The following GRIN2A variants were observed in gnomAD, a reference collection of about 807,000 sequenced individuals.
GRIN2A encodes the protein glutamate receptor ionotropic, NMDA 2A.
A neutral mutation model predicts 113.4 loss-of-function variants in GRIN2A; 22 were observed. That is an observed-to-expected ratio of 0.19 (90% CI 0.14 to 0.28). The LOEUF (loss-of-function observed/expected upper bound fraction) is 0.28, where lower values mean the gene tolerates loss of function less well. GRIN2A is among the 10% of genes least tolerant of loss of function. GRIN2A has a pLI of 1.00. For synonymous variants in GRIN2A, 827 were observed against 738.4 expected (o/e 1.12, Z -1.94); for missense variants, 1,502 against 1,887.0 (o/e 0.80, Z 3.78).
At chr16:9,971,701 T>C (rs1324510395) in intron 2 of GRIN2A, among the ~76,000 whole-genome samples, 1 of 152,096 alleles carries the variant, frequency 6.6e-6, no homozygotes, top group Non-Finnish European at 1.5e-5. Flanking sequence ...TCCAGCAGTG[T>C]AGAAGTTTAA....
chr16:10,088,352 T>A (rs1328729795), intron 2 of GRIN2A, among the ~76,000 whole-genome samples: 1 of 152,156 alleles, frequency 6.6e-6, no homozygotes, highest in African/African-American at 2.4e-5. Flanking sequence ...CCACTTTCCA[T>A]CCTGGACAAA....
chr16:10,128,145 T>C (rs2048984955), intron 2 of GRIN2A, among the ~76,000 whole-genome samples: 1 of 152,192 alleles, frequency 6.6e-6, no homozygotes, highest in African/African-American at 2.4e-5. Flanking sequence ...TGTCCATGAT[T>C]CCGTAGGAAG....
chr16:10,054,306 A>G (rs557811423), intron 2 of GRIN2A, among the ~76,000 whole-genome samples: 33 of 152,230 alleles, frequency 2.2e-4, no homozygotes, highest in Non-Finnish European at 4.1e-4. Flanking sequence ...AAATATGTTC[A>G]ACTTCTTAAT....
At chr16:9,866,644 C>G (rs1422412477) in intron 4 of GRIN2A, among the ~76,000 whole-genome samples, 2 of 152,186 alleles carry the variant, frequency 1.3e-5, no homozygotes, top group African/African-American at 4.8e-5. Flanking sequence ...ATGGCTAGGA[C>G]TTAGTACTCC....
intron 5 of GRIN2A, among the ~76,000 whole-genome samples, chr16:9,843,140 G>GA (rs1401832222): frequency 2.0e-5 from 3 of 151,756 alleles, no homozygotes; most frequent in African/African-American, 7.3e-5. Context: ...AGGAAAGAAA[G>GA]AAAGAAGCAA....
At chr16:9,919,520 A>C (rs2141577132) in intron 3 of GRIN2A, among the ~76,000 whole-genome samples, 1 of 152,228 alleles carries the variant, frequency 6.6e-6, no homozygotes, top group Middle Eastern at 3.4e-3. Context: ...CATGGTAAGG[A>C]GAAGAGAAAT....
chr16:10,036,437 CTTTTTTTTTTTCTTTTTTTTTT>C (rs1199616898), intron 2 of GRIN2A, among the ~76,000 whole-genome samples: 1,660 of 92,678 alleles, frequency 0.018, 64 homozygotes, highest in African/African-American at 0.065. Context: ...TTAGTACTTA[CTTTTTTTTTTTCTTTTTTTTTT>C]TTTTTTTTTT....
intron 9 of GRIN2A, among the ~76,000 whole-genome samples, chr16:9,826,205 G>A (rs532035859): frequency 2.0e-5 from 3 of 152,218 alleles, no homozygotes; most frequent in African/African-American, 7.2e-5. Context: ...CCAATCATAT[G>A]GCAAGGCCAG....
intron 2 of GRIN2A, among the ~76,000 whole-genome samples, chr16:10,074,735 G>A (rs1287368078): frequency 6.6e-6 from 1 of 152,212 alleles, no homozygotes. Context: ...GGGACAAAGG[G>A]AGACAGAGTG....
At chr16:9,911,034 C>T (rs2044125230) in intron 3 of GRIN2A, among the ~76,000 whole-genome samples, 1 of 151,718 alleles carries the variant, frequency 6.6e-6, no homozygotes, top group Non-Finnish European at 1.5e-5. Flanking sequence ...AAAAAAAATC[C>T]ATCTTGTAAT....
At chr16:9,881,268 T>G (rs1280191592) in intron 4 of GRIN2A, among the ~76,000 whole-genome samples, 1 of 152,244 alleles carries the variant, frequency 6.6e-6, no homozygotes, top group Non-Finnish European at 1.5e-5. Flanking sequence ...CCTTCTTTCC[T>G]TTTCCTCTGT....
intron 2 of GRIN2A, among the ~76,000 whole-genome samples, chr16:9,969,664 A>T (rs1455478174): frequency 6.6e-6 from 1 of 152,146 alleles, no homozygotes; most frequent in Non-Finnish European, 1.5e-5. Flanking sequence ...GTGGTTCTCA[A>T]CATGCAATGA....
At chr16:9,989,065 T>A (rs754115644) in intron 2 of GRIN2A, among the ~76,000 whole-genome samples, 146 of 152,162 alleles carry the variant, frequency 9.6e-4, no homozygotes, top group Non-Finnish European at 1.4e-3. Flanking sequence ...AAATAAAAAA[T>A]ATAGGGTTGA....
At chr16:9,922,763 A>G (rs1330911871) in intron 3 of GRIN2A, among the ~76,000 whole-genome samples, 2 of 152,218 alleles carry the variant, frequency 1.3e-5, no homozygotes, top group African/African-American at 2.4e-5. Flanking sequence ...GTTATTTAGA[A>G]GTTTGTTATT....
chr16:10,179,327 C>A (rs1416794604), intron 2 of GRIN2A, among the ~76,000 whole-genome samples: 13 of 152,290 alleles, frequency 8.5e-5, no homozygotes, highest in Admixed American at 5.2e-4. Flanking sequence ...GCCCTCCATG[C>A]TCTGGGTTTG....
At chr16:9,773,750 A>G (rs538109101) in intron 11 of GRIN2A, among the ~76,000 whole-genome samples, 1 of 152,254 alleles carries the variant, frequency 6.6e-6, no homozygotes, top group South Asian at 2.1e-4. Flanking sequence ...TTCTTCCTAT[A>G]TCTGTTTTCA....
intron 2 of GRIN2A, among the ~76,000 whole-genome samples, chr16:10,071,973 T>C (rs1194872864): frequency 6.6e-6 from 1 of 152,174 alleles, no homozygotes; most frequent in African/African-American, 2.4e-5. Flanking sequence ...GAGCTAAAAT[T>C]CAAACCAGGC....
intron 2 of GRIN2A, among the ~76,000 whole-genome samples, chr16:10,059,427 C>G (rs2047512080): frequency 6.6e-6 from 1 of 152,084 alleles, no homozygotes; most frequent in Non-Finnish European, 1.5e-5. Flanking sequence ...ACTGAGGCAT[C>G]TACGGGTACA....
intron 2 of GRIN2A, among the ~76,000 whole-genome samples, chr16:9,939,538 A>G (rs1271994702): frequency 6.6e-6 from 1 of 152,168 alleles, no homozygotes; most frequent in Non-Finnish European, 1.5e-5. Context: ...ACAAATTTCC[A>G]TTTAGAAAAG....
Sources: gnomAD v4.1 joint callset for allele counts (sites outside exome capture counted in the v4.1 genomes callset) on GRCh38, gnomAD v4.1.1 for gene constraint, MANE v1.5 for transcripts, NCBI Gene and HGNC (gene_info 2026-07-23, HGNC 2026-07-21) for gene names.